The following CCDC57 variants were observed in gnomAD, a reference collection of about 807,000 sequenced individuals.
CCDC57 encodes the protein coiled-coil domain-containing protein 57.
Under a neutral mutation model 118.9 loss-of-function variants are expected in CCDC57, and 118 were observed. That is an observed-to-expected ratio of 0.99 (90% CI 0.86 to 1.16). The LOEUF is 1.16. Among genes scored for constraint, CCDC57 ranks in the 50% most tolerant of loss-of-function variants. CCDC57 has a pLI of 0.00. For synonymous variants in CCDC57, 527 were observed against 532.9 expected (o/e 0.99, Z 0.15); for missense variants, 1,300 against 1,320.7 (o/e 0.98, Z 0.24).
chr17:82,210,514 A>G (rs1448815115), intron 1 of CCDC57, among the ~76,000 whole-genome samples: 2 of 136,892 alleles, frequency 1.5e-5, no homozygotes, highest in Non-Finnish European at 3.2e-5. Context: ...TCTACTAAAA[A>G]TACAAAAAAA....
At chr17:82,151,968 C>T in intron 15 of CCDC57, 195 bp from the exon 15 acceptor site, 1 of 588,914 alleles carries the variant, frequency 1.7e-6, no homozygotes, top group Non-Finnish European at 3.0e-6. Context: ...TTCTCTTCCA[C>T]AAATAGAATA....
At chr17:82,148,747 AATGGG>A (rs2041349489) in intron 16 of CCDC57, among the ~76,000 whole-genome samples, 1 of 19,224 alleles carries the variant, frequency 5.2e-5, no homozygotes, top group Non-Finnish European at 8.7e-5. Flanking sequence ...TGGGTGGGTG[AATGGG>A]TGGGTGGATG....
chr17:82,208,028 G>GT (rs2049870899), exon 2 of CCDC57: 1 of 152,132 alleles, frequency 6.6e-6, no homozygotes, highest in Non-Finnish European at 1.5e-5. Context: ...AGGAAAAACA[G>GT]TTTGAGTTTT....
At chr17:82,166,467 A>T (rs918861556) in intron 13 of CCDC57, among the ~76,000 whole-genome samples, 3 of 151,898 alleles carry the variant, frequency 2.0e-5, no homozygotes, top group Non-Finnish European at 2.9e-5. Context: ...GTGAGCCATG[A>T]TAATGCCGTT....
intron 2 of CCDC57, among the ~76,000 whole-genome samples, chr17:82,204,204 C>G (rs2049326717): frequency 6.6e-6 from 1 of 152,186 alleles, no homozygotes; most frequent in Non-Finnish European, 1.5e-5. Context: ...ATCACGCCAC[C>G]TGGACCACCT....
At chr17:82,165,755 G>A (rs992535749) in intron 13 of CCDC57, among the ~76,000 whole-genome samples, 5 of 152,160 alleles carry the variant, frequency 3.3e-5, no homozygotes, top group East Asian at 1.9e-4. Context: ...TCTGACAACC[G>A]GGCCTGGCGG....
At position 82,172,351 on chromosome 17, in the gene CCDC57, GC is replaced by G. The variant is rs918089395; in HGVS notation, c.1729+286del. Among the ~76,000 whole-genome samples the G allele has an allele frequency of 6.6e-5, 10 of 152,234 alleles. No homozygotes were observed. Among genetic ancestry groups the G allele is most frequent in the African/African-American group, 1.4e-4 (6 of 41,454 alleles). The stretch of plus-strand genomic sequence containing the variant: ...CCATTCTGGGACAGCGCGACAGCAA[GC>G]CAGCCCTGGTCCAGGTCTAAAACAG... On this transcript the variant is annotated intron_variant, in intron 12 of 19. Coordinates refer to ENST00000665763, the Ensembl canonical transcript of CCDC57. The surrounding 1 kb of genome is among the most constrained non-coding windows in gnomAD (Gnocchi z 5.2).
At chr17:82,210,861 G>A (rs2050130521) in intron 1 of CCDC57, among the ~76,000 whole-genome samples, 2 of 150,464 alleles carry the variant, frequency 1.3e-5, no homozygotes, top group African/African-American at 4.9e-5. Flanking sequence ...GGGGGTGGTG[G>A]TGGGCGGCTG....
At chr17:82,181,770 G>A (rs757464978) in intron 9 of CCDC57, among the ~76,000 whole-genome samples, 3 of 152,246 alleles carry the variant, frequency 2.0e-5, no homozygotes, top group Non-Finnish European at 4.4e-5. Flanking sequence ...AATATGTGCT[G>A]TTTTCTTTCA....
At chr17:82,133,009 C>T (rs540031957) in intron 17 of CCDC57, among the ~76,000 whole-genome samples, 7 of 152,190 alleles carry the variant, frequency 4.6e-5, no homozygotes, top group South Asian at 4.1e-4. Flanking sequence ...CCACCCGCCT[C>T]GGCCTCCCAA....
exon 16 of CCDC57, chr17:82,151,594 C>T: frequency 1.3e-6 from 2 of 1,550,378 alleles, no homozygotes; most frequent in Non-Finnish European, 1.7e-6. Flanking sequence ...GGAGCCTGTT[C>T]CCCATCTCGA....
intron 4 of CCDC57, among the ~76,000 whole-genome samples, chr17:82,197,966 G>A (rs530322116): frequency 6.6e-6 from 1 of 152,304 alleles, no homozygotes; most frequent in Admixed American, 6.5e-5. Flanking sequence ...GCTTGCAGAT[G>A]ACAAACTGTG....
intron 16 of CCDC57, chr17:82,145,802 G>C (rs769923774): frequency 4.3e-6 from 2 of 466,344 alleles, no homozygotes; most frequent in Non-Finnish European, 8.9e-6. Context: ...CCGGAACCCT[G>C]TAGCAGGCAG....
chr17:82,103,458 G>A lies in CCDC57; in HGVS notation c.2900-1592C>T, dbSNP rs527710046. ...GCCTGACCTCCTGGTCCCGGCCAAC[G>A]CCCCCATCCCCACTCCCTCCCCCCA... On this transcript the variant is annotated intron_variant, in intron 19 of 19. Transcript: ENST00000665763. Among the ~76,000 whole-genome samples, 4 of 152,212 alleles carry A rather than the reference G, an allele frequency of 2.6e-5. No homozygotes were observed. In the South Asian group the frequency reaches 8.3e-4, roughly 32 times the overall value.
intron 2 of CCDC57, among the ~76,000 whole-genome samples, chr17:82,202,899 AGGCTGCTAAGT>A (rs1423324095): frequency 6.6e-5 from 10 of 152,346 alleles, no homozygotes; most frequent in African/African-American, 2.4e-4. Context: ...GAGAAAACTA[AGGCTGCTAAGT>A]GGCTACGTGA....
chr17:82,198,502 T>C (rs1192084077), intron 3 of CCDC57, 80 bp from the exon 3 acceptor site: 2 of 981,860 alleles, frequency 2.0e-6, no homozygotes, highest in Non-Finnish European at 3.1e-6. Flanking sequence ...GCACTTGACA[T>C]GTGAAAGTTG....
Position 82,149,334 on chromosome 17 carries a change from A to G in CCDC57, c.2455+2226T>C, listed in dbSNP as rs115401824. Among the ~76,000 whole-genome samples the G allele has an allele frequency of 8.3e-3, 1,264 of 152,008 alleles. 12 individuals carry two copies. Among genetic ancestry groups the G allele is most frequent in the African/African-American group, 0.029 (1,211 of 41,406 alleles). On this transcript the variant is annotated intron_variant, in intron 16 of 19. Coordinates refer to ENST00000665763, the Ensembl canonical transcript of CCDC57. ...GATGGATAGGTAGGTGGGTGGATGC[A>G]TGGAGGAACAGATGGATGACTCACT...
At chr17:82,133,691 T>C (rs1353165856) in intron 17 of CCDC57, among the ~76,000 whole-genome samples, 1 of 151,754 alleles carries the variant, frequency 6.6e-6, no homozygotes, top group African/African-American at 2.4e-5. Context: ...TAAAACCCCA[T>C]CTCTACTAAA....
intron 19 of CCDC57, among the ~76,000 whole-genome samples, chr17:82,104,600 G>A (rs1455709158): frequency 2.0e-5 from 3 of 152,160 alleles, no homozygotes; most frequent in Admixed American, 1.3e-4. Flanking sequence ...GTGCAGTGGC[G>A]TGATCTCAGC....
Sources: gnomAD v4.1 joint callset for allele counts (sites outside exome capture counted in the v4.1 genomes callset) on GRCh38, gnomAD v4.1.1 for gene constraint, Gnocchi (gnomAD v3.1) non-coding constraint, MANE v1.5 for transcripts, NCBI Gene and HGNC (gene_info 2026-07-23, HGNC 2026-07-21) for gene names.